The following PACS1 variants were observed in gnomAD, a reference collection of about 807,000 sequenced individuals.
PACS1 encodes phosphofurin acidic cluster sorting protein 1.
Under a neutral mutation model 115.0 loss-of-function variants are expected in PACS1, and 24 were observed. The observed-to-expected ratio is 0.21, with a 90% confidence interval of 0.15 to 0.29. The LOEUF (loss-of-function observed/expected upper bound fraction) is 0.29, where lower values mean the gene tolerates loss of function less well. Ranked by LOEUF, PACS1 falls within the 10% of genes least tolerant of loss-of-function variation. The pLI, the probability that PACS1 is intolerant of heterozygous loss-of-function variation, is 1.00. For missense variants in PACS1, 838 were observed against 1,251.2 expected (o/e 0.67, Z 4.98); for synonymous variants, 453 against 504.5 (o/e 0.90, Z 1.37).
At chr11:66,107,841 A>G (rs1296090238) in intron 1 of PACS1, among the ~76,000 whole-genome samples, 2 of 152,236 alleles carry the variant, frequency 1.3e-5, no homozygotes, top group Non-Finnish European at 2.9e-5. Flanking sequence ...CTGGCTTAAC[A>G]GTGTTTCACT....
At chr11:66,230,330 T>G (rs2065055208) in intron 11 of PACS1, 7 of 561,162 alleles carry the variant, frequency 1.2e-5, no homozygotes, top group Admixed American at 6.2e-5. Flanking sequence ...TTTACTGGAT[T>G]GCAGCATATG....
At chr11:66,172,674 G>C (rs1257327217) in intron 1 of PACS1, among the ~76,000 whole-genome samples, 1 of 152,132 alleles carries the variant, frequency 6.6e-6, no homozygotes, top group African/African-American at 2.4e-5. Flanking sequence ...CTGACACACA[G>C]AAACTGTGAG....
intron 1 of PACS1, among the ~76,000 whole-genome samples, chr11:66,071,508 T>C (rs1857310196): frequency 6.6e-6 from 1 of 152,240 alleles, no homozygotes; most frequent in South Asian, 2.1e-4. Flanking sequence ...TTCAATCCAT[T>C]GCTCTCTGTC....
At chr11:66,183,457 T>C (rs1482526615) in intron 1 of PACS1, among the ~76,000 whole-genome samples, 1 of 152,232 alleles carries the variant, frequency 6.6e-6, no homozygotes, top group African/African-American at 2.4e-5. Context: ...TCCCATCTTC[T>C]GATTAAAGAA....
chr11:66,130,018 A>G (rs1211026795), intron 1 of PACS1, among the ~76,000 whole-genome samples: 1 of 152,218 alleles, frequency 6.6e-6, no homozygotes, highest in South Asian at 2.1e-4. Flanking sequence ...TTTTCCATCC[A>G]GTCTACCAAC....
intron 1 of PACS1, among the ~76,000 whole-genome samples, chr11:66,091,504 T>C (rs1056756057): frequency 6.7e-6 from 1 of 150,302 alleles, no homozygotes; most frequent in African/African-American, 2.4e-5. Context: ...GTTGTTGTTG[T>C]TTTTTTTCTT....
At chr11:66,242,780 G>C in intron 22 of PACS1, 132 bp from the exon 23 acceptor site, 1 of 1,233,332 alleles carries the variant, frequency 8.1e-7, no homozygotes, top group Admixed American at 2.1e-5. Context: ...CCACAGCCCA[G>C]TGCCAGGGAG....
intron 22 of PACS1, 86 bp downstream of exon 22, chr11:66,241,739 G>A: frequency 9.1e-7 from 1 of 1,096,414 alleles, no homozygotes; most frequent in East Asian, 2.4e-5. Context: ...TCTGCTTTTG[G>A]GATATTTGGG....
chr11:66,238,858 G>A lies in PACS1; in HGVS notation c.2293+12G>A. On this transcript the variant is annotated intron_variant, in intron 20 of 23. Coordinates refer to ENST00000320580, the MANE Select transcript of PACS1 (RefSeq NM_018026.4). ...TCCCTCCACAGCAGGTGAGGCTGGGGCTCCCTTGTTCTGTGGAGTGAGGCT... is the reference window on the plus strand; with the variant it reads ...TCCCTCCACAGCAGGTGAGGCTGGGACTCCCTTGTTCTGTGGAGTGAGGCT... 6.4e-6 allele frequency: 10 copies of A among 1,571,896 alleles called. No homozygotes were observed. The highest frequency in any genetic ancestry group is 8.6e-6 in the Non-Finnish European group (10 of 1,156,522).
intron 1 of PACS1, among the ~76,000 whole-genome samples, chr11:66,113,837 A>C (rs536563735): frequency 2.5e-4 from 38 of 152,328 alleles, no homozygotes; most frequent in Non-Finnish European, 4.7e-4. Context: ...TAGTTCACAG[A>C]ATCACCCAGT....
Position 66,221,271 on chromosome 11 carries a change from G to A in PACS1, c.1293+24G>A, listed in dbSNP as rs768163211. The A allele has an allele frequency of 3.7e-6, 6 of 1,603,994 alleles. No homozygotes were observed. The Admixed American group carries it at 1.0e-4, about 27-fold the overall frequency. Reference sequence around the variant, plus strand: ...CTGTGAGCGCAACCGCGACTGCGGGGCGGGGTGGGACCGTGGCATGTCAGG... The same window carrying A: ...CTGTGAGCGCAACCGCGACTGCGGGACGGGGTGGGACCGTGGCATGTCAGG... On this transcript the variant is annotated intron_variant, in intron 10 of 23. Transcript: ENST00000320580.
At chr11:66,139,810 T>A (rs1234597906) in intron 1 of PACS1, among the ~76,000 whole-genome samples, 2 of 152,206 alleles carry the variant, frequency 1.3e-5, no homozygotes, top group Non-Finnish European at 2.9e-5. Context: ...GCAGTAAACA[T>A]GGGAATGCAG....
At chr11:66,099,917 C>T (rs933265256) in intron 1 of PACS1, among the ~76,000 whole-genome samples, 3 of 150,822 alleles carry the variant, frequency 2.0e-5, no homozygotes, top group South Asian at 2.1e-4. Context: ...GGCGCAATCT[C>T]GGTTCACCAC....
At chr11:66,202,742 A>AAAAAATATATATATAT (rs1200930188) in intron 2 of PACS1, among the ~76,000 whole-genome samples, 1 of 71,600 alleles carries the variant, frequency 1.4e-5, no homozygotes, top group Non-Finnish European at 2.3e-5. Flanking sequence ...AAAAAAAAAA[A>AAAAAATATATATATAT]ATATATATAT....
At position 66,236,092 on chromosome 11, in the gene PACS1, C is replaced by T. The variant is rs994035043; in HGVS notation, c.2250+152C>T. ...GGGACTACCTGGCAGTGTCTGGAGA[C>T]GTGTTTGGTTGTTATACGGGGGGTA... On this transcript the variant is annotated intron_variant, in intron 19 of 23. Transcript: ENST00000320580. This position sits in a 1 kb window ranked among gnomAD's most constrained non-coding sequence, Gnocchi z 4.2. The T allele has an allele frequency of 1.2e-5, 9 of 755,474 alleles. No homozygotes were observed. Among genetic ancestry groups the T allele is most frequent in the South Asian group, 3.0e-5 (2 of 67,728 alleles). The allele number at this position is 755,474 out of a possible 1,614,324, so 46.8% of individuals were successfully genotyped here.
chr11:66,169,209 T>C (rs1859681422), intron 1 of PACS1, among the ~76,000 whole-genome samples: 1 of 150,718 alleles, frequency 6.6e-6, no homozygotes, highest in South Asian at 2.1e-4. Flanking sequence ...TCAAGGAATG[T>C]ATTCTATTCC....
chr11:66,097,117 C>T (rs1054144406), intron 1 of PACS1, among the ~76,000 whole-genome samples: 4 of 152,126 alleles, frequency 2.6e-5, no homozygotes, highest in Non-Finnish European at 4.4e-5. Context: ...TATCAGTTTG[C>T]ATTCCCACTA....
chr11:66,242,771 C>CACA, intron 22 of PACS1, 141 bp from the exon 23 acceptor site: 1 of 1,147,028 alleles, frequency 8.7e-7, no homozygotes, highest in Non-Finnish European at 1.2e-6. Flanking sequence ...GATCCTGACC[C>CACA]ACAGCCCAGT....
At chr11:66,151,375 GC>G (rs1859234866) in intron 1 of PACS1, among the ~76,000 whole-genome samples, 1 of 152,140 alleles carries the variant, frequency 6.6e-6, no homozygotes, top group Non-Finnish European at 1.5e-5. Context: ...TGCCCAAGCA[GC>G]TGAAAACTTA....
Sources: gnomAD v4.1 joint callset for allele counts (sites outside exome capture counted in the v4.1 genomes callset) on GRCh38, gnomAD v4.1.1 for gene constraint, Gnocchi (gnomAD v3.1) non-coding constraint, MANE v1.5 for transcripts, NCBI Gene and HGNC (gene_info 2026-07-23, HGNC 2026-07-21) for gene names.